TNFRSF19: variants seen among roughly 807,000 people sequenced by gnomAD.
TNFRSF19 encodes the protein tumor necrosis factor receptor superfamily member 19.
In TNFRSF19, 27 loss-of-function variants were observed where a neutral mutation model predicts 46.4. The ratio of observed to expected loss-of-function variants is 0.58; its 90% CI spans 0.43 to 0.80. The LOEUF (loss-of-function observed/expected upper bound fraction) is 0.80, where lower values mean the gene tolerates loss of function less well. Ranked by LOEUF, TNFRSF19 falls within the 30% of genes least tolerant of loss-of-function variation. TNFRSF19 has a pLI of 0.00. For missense variants in TNFRSF19, 511 were observed against 530.8 expected (o/e 0.96, Z 0.37); for synonymous variants, 204 against 205.0 (o/e 1.00, Z 0.04).
chr13:23,637,566 C>T (rs1316157096), intron 5 of TNFRSF19, among the ~76,000 whole-genome samples: 16 of 152,198 alleles, frequency 1.1e-4, no homozygotes, highest in Non-Finnish European at 2.2e-4. Flanking sequence ...ATCAATTCTG[C>T]TGGCATAGAG....
At position 23,624,690 on chromosome 13, in the gene TNFRSF19, G is replaced by C. The variant is rs193001862; in HGVS notation, c.360-2017G>C. ...GAATTCCCACAATCTAGAAATAGTCGCTGTTCATATACAGTATATAATATA... is the reference window on the plus strand; with the variant it reads ...GAATTCCCACAATCTAGAAATAGTCCCTGTTCATATACAGTATATAATATA... On this transcript the variant is annotated intron_variant, in intron 4 of 9. Transcript: ENST00000248484. 5.5e-4 allele frequency among the ~76,000 whole-genome samples: 83 copies of C among 151,468 alleles called. 2 individuals are homozygous for C. In the Middle Eastern group the frequency reaches 0.017, roughly 32 times the overall value.
chr13:23,620,110 G>C (rs1881555487), intron 4 of TNFRSF19, among the ~76,000 whole-genome samples: 1 of 152,102 alleles, frequency 6.6e-6, no homozygotes, highest in Non-Finnish European at 1.5e-5. Flanking sequence ...TATGAGGCAG[G>C]CGTAATTACA....
chr13:23,622,922 A>AT (rs1389554011), intron 4 of TNFRSF19, among the ~76,000 whole-genome samples: 1 of 152,186 alleles, frequency 6.6e-6, no homozygotes, highest in Non-Finnish European at 1.5e-5. Flanking sequence ...TTGTCTTGTG[A>AT]TTTTTTAAAA....
At chr13:23,593,491 T>A in intron 3 of TNFRSF19, 36 bp downstream of exon 3, 1 of 1,370,316 alleles carries the variant, frequency 7.3e-7, no homozygotes, top group Non-Finnish European at 1.0e-6. Context: ...TGTATCTGTG[T>A]TTGTAAAATG....
chr13:23,571,881 T>C (rs777386897), intron 1 of TNFRSF19, among the ~76,000 whole-genome samples: 12 of 152,094 alleles, frequency 7.9e-5, no homozygotes, highest in Non-Finnish European at 1.2e-4. Context: ...TGTTTTTTTT[T>C]TTAATGTTCT....
At chr13:23,618,576 G>T (rs1881456695) in intron 4 of TNFRSF19, among the ~76,000 whole-genome samples, 1 of 152,176 alleles carries the variant, frequency 6.6e-6, no homozygotes, top group Non-Finnish European at 1.5e-5. Flanking sequence ...AACGGCAAAG[G>T]GTACAGCCAG....
chr13:23,597,932 G>C (rs529263065), intron 3 of TNFRSF19, among the ~76,000 whole-genome samples: 1 of 152,138 alleles, frequency 6.6e-6, no homozygotes, highest in Non-Finnish European at 1.5e-5. Flanking sequence ...AGGATGCAAG[G>C]CTGGTTCAAT....
chr13:23,582,816 G>A (rs1472796476), intron 1 of TNFRSF19, among the ~76,000 whole-genome samples: 1 of 152,182 alleles, frequency 6.6e-6, no homozygotes, highest in Non-Finnish European at 1.5e-5. Flanking sequence ...CGTATAGTAT[G>A]TCATTCTGGG....
chr13:23,607,772 C>G (rs1880615657), intron 3 of TNFRSF19, among the ~76,000 whole-genome samples: 1 of 152,138 alleles, frequency 6.6e-6, no homozygotes, highest in African/African-American at 2.4e-5. Context: ...TTTCTGTCCT[C>G]CAGTCCATCT....
chr13:23,604,259 A>AC (rs34398587), intron 3 of TNFRSF19, among the ~76,000 whole-genome samples: 3,979 of 149,756 alleles, frequency 0.027, 113 homozygotes, highest in East Asian at 0.084. Flanking sequence ...TTATATTAGC[A>AC]CCCCCCCCAA....
chr13:23,583,210 A>G (rs929734073), intron 1 of TNFRSF19, among the ~76,000 whole-genome samples: 1 of 152,204 alleles, frequency 6.6e-6, no homozygotes, highest in African/African-American at 2.4e-5. Flanking sequence ...TTCACCAACA[A>G]TGGTGTGACC....
Position 23,668,085 on chromosome 13 carries a change from AACT to A in TNFRSF19, c.839+5_839+7del. On this transcript the variant is annotated splice_donor_5th_base_variant and intron_variant, in intron 8 of 9. Transcript: ENST00000248484. ...TCTGCAGCCAGTCTTCAGGCAAGGT[AACT>A]AGGTGCTTTCAATCAATCATTTCAT... 6.3e-7 allele frequency: 1 copy of A among 1,598,462 alleles called. No individual in the cohort carries two copies. The highest frequency in any genetic ancestry group is 8.5e-7 in the Non-Finnish European group (1 of 1,172,634).
chr13:23,669,501 T>G, intron 9 of TNFRSF19: 5 of 985,366 alleles, frequency 5.1e-6, no homozygotes, highest in Non-Finnish European at 4.8e-6. Context: ...CTTCATTCAC[T>G]GCCAAGTTTA....
chr13:23,595,840 A>G (rs1178479609), intron 3 of TNFRSF19, among the ~76,000 whole-genome samples: 1 of 152,206 alleles, frequency 6.6e-6, no homozygotes, highest in African/African-American at 2.4e-5. Flanking sequence ...AAAGGAAAAA[A>G]TGTTAAGGGC....
intron 5 of TNFRSF19, 31 bp downstream of exon 5, chr13:23,626,823 G>T: frequency 6.2e-7 from 1 of 1,601,316 alleles, no homozygotes; most frequent in Non-Finnish European, 8.5e-7. Context: ...CAGAGCCAAG[G>T]GGACGCCTGG....
chr13:23,659,253 G>A lies in TNFRSF19; in HGVS notation c.610+39G>A. 6.4e-7 allele frequency: 1 copy of A among 1,573,492 alleles called. No individual in the cohort carries two copies. The highest frequency in any genetic ancestry group is 8.7e-7 in the Non-Finnish European group (1 of 1,155,606). ...TCATTACATTTCTTAGCATTTAGGG[G>A]AAGGGCATTTATTACTATTGTCGTG... On this transcript the variant is annotated intron_variant, in intron 6 of 9. Transcript: ENST00000248484. This position sits in a 1 kb window ranked among gnomAD's most constrained non-coding sequence, Gnocchi z 4.9.
At chr13:23,575,394 T>C (rs1877888816) in intron 1 of TNFRSF19, among the ~76,000 whole-genome samples, 1 of 152,222 alleles carries the variant, frequency 6.6e-6, no homozygotes. Flanking sequence ...TGGTGAAGAT[T>C]ATGTTAAGAT....
chr13:23,624,870 C>A (rs1014323632), intron 4 of TNFRSF19, among the ~76,000 whole-genome samples: 1 of 151,898 alleles, frequency 6.6e-6, no homozygotes, highest in Non-Finnish European at 1.5e-5. Context: ...CCTGCCTCAG[C>A]CTCCTGAATA....
chr13:23,577,009 A>G (rs1878000887), intron 1 of TNFRSF19, among the ~76,000 whole-genome samples: 1 of 152,250 alleles, frequency 6.6e-6, no homozygotes, highest in Admixed American at 6.5e-5. Flanking sequence ...ATGGCTATTT[A>G]GTAAGTGCTA....
Sources: allele counts gnomAD v4.1 joint callset (sites outside exome capture counted in the v4.1 genomes callset), GRCh38; gene constraint gnomAD v4.1.1; non-coding constraint Gnocchi (gnomAD v3.1); transcripts MANE v1.5; gene names NCBI Gene and HGNC (gene_info 2026-07-23, HGNC 2026-07-21).